MYO5B: variants seen among roughly 807,000 people sequenced by gnomAD.
MYO5B encodes the protein myosin VB.
Under a neutral mutation model 229.3 loss-of-function variants are expected in MYO5B, and 143 were observed. The ratio of observed to expected loss-of-function variants is 0.62; its 90% CI spans 0.54 to 0.72. The LOEUF is 0.72. MYO5B is among the 30% of genes least tolerant of loss of function. The pLI, the probability that MYO5B is intolerant of heterozygous loss-of-function variation, is 0.00. For synonymous variants in MYO5B, 918 were observed against 885.2 expected (o/e 1.04, Z -0.66); for missense variants, 2,321 against 2,331.0 (o/e 1.00, Z 0.09).
intron 17 of MYO5B, among the ~76,000 whole-genome samples, chr18:49,914,775 C>CAAAA (rs5824810): frequency 1.9e-5 from 2 of 106,190 alleles, no homozygotes; most frequent in African/African-American, 3.7e-5. Context: ...GACCTTGTCT[C>CAAAA]AAAAAAAAAA....
chr18:49,870,140 A>G (rs2024440886), intron 27 of MYO5B, among the ~76,000 whole-genome samples: 1 of 152,154 alleles, frequency 6.6e-6, no homozygotes, highest in Admixed American at 6.5e-5. Flanking sequence ...AGTCTAATCA[A>G]TAACTCCAGA....
intron 1 of MYO5B, among the ~76,000 whole-genome samples, chr18:50,100,623 G>A (rs1019044337): frequency 1.4e-4 from 21 of 152,110 alleles, no homozygotes; most frequent in African/African-American, 5.1e-4. Flanking sequence ...GACATTACCT[G>A]GTACTAGCTG....
intron 26 of MYO5B, among the ~76,000 whole-genome samples, chr18:49,874,275 C>T (rs1334865950): frequency 6.6e-6 from 1 of 152,174 alleles, no homozygotes; most frequent in Non-Finnish European, 1.5e-5. Flanking sequence ...AGTTCTAAAG[C>T]CAAGATTCCA....
intron 6 of MYO5B, 149 bp from the exon 7 acceptor site, chr18:49,990,669 C>A (rs2025921691): frequency 1.4e-6 from 1 of 698,954 alleles, no homozygotes; most frequent in East Asian, 2.8e-5. Flanking sequence ...ACCTTCAATT[C>A]CCACTTTCCG....
intron 29 of MYO5B, among the ~76,000 whole-genome samples, chr18:49,859,369 G>C (rs1030088527): frequency 1.3e-5 from 2 of 152,208 alleles, no homozygotes; most frequent in African/African-American, 4.8e-5. Flanking sequence ...GGAAAAACAG[G>C]ATCTATCAAC....
intron 21 of MYO5B, among the ~76,000 whole-genome samples, chr18:49,896,597 T>C (rs2024781700): frequency 6.6e-6 from 1 of 152,008 alleles, no homozygotes; most frequent in Non-Finnish European, 1.5e-5. Flanking sequence ...GTCAAATCAC[T>C]AGGAGTGGAA....
At chr18:50,178,853 G>A (rs909826045) in intron 1 of MYO5B, among the ~76,000 whole-genome samples, 1 of 152,170 alleles carries the variant, frequency 6.6e-6, no homozygotes, top group Non-Finnish European at 1.5e-5. Context: ...GCTGAAAGGG[G>A]TTTGGTTTCA....
At chr18:49,924,173 CA>C (rs2025104930) in intron 17 of MYO5B, among the ~76,000 whole-genome samples, 1 of 152,156 alleles carries the variant, frequency 6.6e-6, no homozygotes, top group Non-Finnish European at 1.5e-5. Flanking sequence ...GTTGGGATTT[CA>C]CAAAAATACC....
chr18:50,038,061 T>C (rs1357504138), intron 3 of MYO5B, among the ~76,000 whole-genome samples: 12 of 152,166 alleles, frequency 7.9e-5, no homozygotes, highest in Admixed American at 7.9e-4. Flanking sequence ...AACCAGGAAA[T>C]GCTATAAAGT....
intron 4 of MYO5B, among the ~76,000 whole-genome samples, chr18:50,035,584 C>T (rs1042532025): frequency 6.6e-6 from 1 of 152,170 alleles, no homozygotes; most frequent in African/African-American, 2.4e-5. Context: ...TGCTAATGCT[C>T]ATTCTTCTCT....
At chr18:50,174,407 T>C (rs574319158) in intron 1 of MYO5B, among the ~76,000 whole-genome samples, 4 of 152,274 alleles carry the variant, frequency 2.6e-5, no homozygotes, top group Admixed American at 2.0e-4. Flanking sequence ...CAGGATGTCA[T>C]GTGCTAGAAC....
intron 10 of MYO5B, chr18:49,970,936 A>T (rs2025684730): frequency 6.6e-6 from 1 of 152,002 alleles, no homozygotes; most frequent in Non-Finnish European, 1.5e-5. Context: ...TTCTCTCTGG[A>T]CTCCACTTTT....
chr18:50,028,774 C>T (rs982604539), intron 4 of MYO5B, among the ~76,000 whole-genome samples: 13 of 152,316 alleles, frequency 8.5e-5, no homozygotes, highest in African/African-American at 1.2e-4. Context: ...CACCGGGTGA[C>T]GCAGGCTCTC....
At chr18:50,091,860 G>T (rs948644045) in intron 1 of MYO5B, among the ~76,000 whole-genome samples, 3 of 152,074 alleles carry the variant, frequency 2.0e-5, no homozygotes, top group African/African-American at 7.2e-5. Flanking sequence ...GGAAAGAGGA[G>T]AAATGGCACT....
chr18:50,134,290 T>A (rs1380868977), intron 1 of MYO5B, among the ~76,000 whole-genome samples: 1 of 151,634 alleles, frequency 6.6e-6, no homozygotes, highest in African/African-American at 2.4e-5. Flanking sequence ...GCTCGGTGGC[T>A]CACGCCTGTA....
At chr18:50,090,392 AAG>A (rs963032014) in intron 1 of MYO5B, among the ~76,000 whole-genome samples, 44 of 152,032 alleles carry the variant, frequency 2.9e-4, no homozygotes, top group African/African-American at 1.0e-3. Context: ...ATGTCCATGT[AAG>A]ACACACTTTG....
chr18:49,983,879 T>G (rs1040274892), intron 8 of MYO5B, among the ~76,000 whole-genome samples: 1 of 152,132 alleles, frequency 6.6e-6, no homozygotes, highest in Non-Finnish European at 1.5e-5. Context: ...CATGTTTTAT[T>G]TGGACATTGG....
At chr18:50,161,230 C>A (rs1457964808) in intron 1 of MYO5B, among the ~76,000 whole-genome samples, 3 of 152,028 alleles carry the variant, frequency 2.0e-5, no homozygotes, top group African/African-American at 7.2e-5. Flanking sequence ...CTAAAAATAC[C>A]AAAATTAGCC....
At chr18:50,057,454 C>A (rs570383138) in intron 1 of MYO5B, among the ~76,000 whole-genome samples, 57 of 152,188 alleles carry the variant, frequency 3.7e-4, no homozygotes, top group Non-Finnish European at 6.3e-4. Flanking sequence ...AGGAACCGAA[C>A]GGAGGTGATG....
Sources: gnomAD v4.1 joint callset for allele counts (sites outside exome capture counted in the v4.1 genomes callset) on GRCh38, gnomAD v4.1.1 for gene constraint, MANE v1.5 for transcripts, NCBI Gene and HGNC (gene_info 2026-07-23, HGNC 2026-07-21) for gene names.